Variants in WDR43 observed in about 807,000 individuals in gnomAD.
WDR43 encodes WD repeat domain 43.
A neutral mutation model predicts 91.4 loss-of-function variants in WDR43; 13 were observed. That is an observed-to-expected ratio of 0.14 (90% CI 0.09 to 0.23). The LOEUF (loss-of-function observed/expected upper bound fraction) is 0.23. Ranked by LOEUF, WDR43 falls within the 10% of genes least tolerant of loss-of-function variation. The probability of loss-of-function intolerance (pLI) is 1.00; values close to 1 mark genes in which losing one functional copy is unlikely to be tolerated. For missense variants in WDR43, 780 were observed against 809.4 expected (o/e 0.96, Z 0.44); for synonymous variants, 331 against 287.9 (o/e 1.15, Z -1.51).
chr2:28,923,116 C>A, intron 7 of WDR43, 133 bp downstream of exon 7: 1 of 746,326 alleles, frequency 1.3e-6, no homozygotes, highest in Non-Finnish European at 2.1e-6. Flanking sequence ...TTTCTTTATC[C>A]ACATGACTAT....
At chr2:28,928,509 C>T (rs1277142599) in intron 10 of WDR43, among the ~76,000 whole-genome samples, 3 of 152,136 alleles carry the variant, frequency 2.0e-5, no homozygotes, top group Non-Finnish European at 2.9e-5. Flanking sequence ...TTTTTAATTT[C>T]CCCATGTCCT....
At position 28,927,662 on chromosome 2, in the gene WDR43, G is replaced by A. The variant is rs751000393; in HGVS notation, c.1267G>A (p.Glu423Lys). ...AAIKPAPPQT[E>K]QVESKRKSGG... is the part of the protein sequence containing the mutation. ...TATCAAGCCCGCTCCTCCACAAACC[G>A]AGCAAGTAGAGAGCAAGAGGAAGTC... The change falls in exon 10 of 18, where the codon GAG becomes AAG. Residue 423 changes from glutamate to lysine, a missense_variant. By Grantham distance (56) the Glu-to-Lys change is moderately conservative. Around this residue, in one of 4 missense-constraint regions of WDR43, gnomAD observed 426 missense variants for 467.8 expected, o/e 0.91. Transcript: ENST00000407426. The A allele has an allele frequency of 2.8e-5, 45 of 1,613,790 alleles. No homozygotes were observed. Among genetic ancestry groups the A allele is most frequent in the Admixed American group, 5.0e-5 (3 of 59,988 alleles).
intron 6 of WDR43, among the ~76,000 whole-genome samples, chr2:28,922,708 T>C (rs1333292893): frequency 6.6e-6 from 1 of 152,180 alleles, no homozygotes; most frequent in Non-Finnish European, 1.5e-5. Flanking sequence ...GTTCTCTTCT[T>C]GGCTTAAACA....
chr2:28,944,765 A>G (rs1011684292), intron 16 of WDR43, among the ~76,000 whole-genome samples: 1 of 152,248 alleles, frequency 6.6e-6, no homozygotes, highest in Non-Finnish European at 1.5e-5. Context: ...CGATACTGCA[A>G]CATTCGATTT....
intron 3 of WDR43, among the ~76,000 whole-genome samples, chr2:28,908,213 G>C (rs988929675): frequency 1.3e-5 from 2 of 152,156 alleles, no homozygotes; most frequent in African/African-American, 4.8e-5. Flanking sequence ...AGAAATTATG[G>C]TCAGAAGAGA....
At position 28,929,722 on chromosome 2, in the gene WDR43, G is replaced by A. The variant is rs200327769; in HGVS notation, c.1437+12G>A. On this transcript the variant is annotated intron_variant, in intron 11 of 17. Transcript: ENST00000407426. ...TTGAAATGCTAAATGTAAGTATATA[G>A]CAATTTTTAACTAAATTAACATGGT... The A allele has an allele frequency of 5.3e-3, 8,508 of 1,607,170 alleles. 27 individuals are homozygous for A. Among genetic ancestry groups the A allele is most frequent in the Non-Finnish European group, 6.8e-3 (8,006 of 1,175,962 alleles).
intron 2 of WDR43, among the ~76,000 whole-genome samples, chr2:28,903,694 A>G (rs1167153504): frequency 1.3e-5 from 2 of 152,152 alleles, no homozygotes; most frequent in Admixed American, 6.5e-5. Flanking sequence ...TCTTACACCT[A>G]CTATAGGTAG....
chr2:28,946,687 G>T lies in WDR43; in HGVS notation c.1942G>T (p.Glu648Ter). The T allele has an allele frequency of 6.4e-7, 1 of 1,572,802 alleles. No homozygotes were observed. Among genetic ancestry groups the T allele is most frequent in the East Asian group, 2.3e-5 (1 of 42,854 alleles). ...EEDEDAEGKD[E>*]ENGEDRDTAS... Reference sequence around the variant, plus strand: ...AGATGAGGATGCCGAAGGAAAAGATGAAGAAAATGGCGAGGACAGAGATAC... The same window carrying T: ...AGATGAGGATGCCGAAGGAAAAGATTAAGAAAATGGCGAGGACAGAGATAC... The change falls in exon 18 of 18, where the codon GAA becomes TAA. Residue 648 changes from glutamate (E) to a stop codon, truncating the protein, a stop_gained. Transcript: ENST00000407426. LOFTEE classifies it high-confidence loss of function.
intron 1 of WDR43, among the ~76,000 whole-genome samples, chr2:28,898,556 T>C (rs777303975): frequency 6.6e-6 from 1 of 152,170 alleles, no homozygotes; most frequent in African/African-American, 2.4e-5. Flanking sequence ...GTGAGATAGA[T>C]GAAGAAATGG....
Position 28,925,097 on chromosome 2 carries a change from A to G in WDR43, c.1030A>G (p.Lys344Glu). Residue 344 changes from lysine (K) to glutamate (E), a missense_variant, in exon 8 of 18, where the codon AAA becomes GAA. By Grantham distance (56) the Lys-to-Glu change is moderately conservative. Coordinates refer to ENST00000407426, the MANE Select transcript of WDR43 (RefSeq NM_015131.3). ...PILAAGFCSD[K>E]MSLLLVYGSW... Reference sequence around the variant, plus strand: ...TCTAGCTGCTGGTTTTTGCTCAGACAAAATGTCATTGTTGCTTGTATATGG... The same window carrying G: ...TCTAGCTGCTGGTTTTTGCTCAGACGAAATGTCATTGTTGCTTGTATATGG... 2 of 1,613,976 alleles carry G rather than the reference A, an allele frequency of 1.2e-6. No homozygotes were observed. Among genetic ancestry groups the G allele is most frequent in the East Asian group, 2.2e-5 (1 of 44,890 alleles).
intron 2 of WDR43, among the ~76,000 whole-genome samples, chr2:28,904,500 T>C (rs1670640523): frequency 6.6e-6 from 1 of 152,250 alleles, no homozygotes; most frequent in Non-Finnish European, 1.5e-5. Context: ...ACACTGCTGC[T>C]GGCAATAGTA....
intron 12 of WDR43, 63 bp downstream of exon 12, chr2:28,935,670 G>A (rs1471745755): frequency 2.7e-6 from 3 of 1,129,222 alleles, no homozygotes; most frequent in Non-Finnish European, 3.7e-6. Flanking sequence ...AAATTCAGTA[G>A]TTAGAGAAAT....
intron 12 of WDR43, 51 bp from the exon 13 acceptor site, chr2:28,936,871 C>T: frequency 1.3e-6 from 2 of 1,484,564 alleles, no homozygotes; most frequent in Non-Finnish European, 1.8e-6. Flanking sequence ...GAATTGACAG[C>T]ATTGGTTGCC....
At chr2:28,907,152 C>T (rs750020656) in intron 3 of WDR43, among the ~76,000 whole-genome samples, 2 of 152,066 alleles carry the variant, frequency 1.3e-5, no homozygotes, top group Non-Finnish European at 2.9e-5. Flanking sequence ...TGAGGTTGGC[C>T]GTATAGGAGA....
At chr2:28,922,671 A>G (rs1471407222) in intron 6 of WDR43, among the ~76,000 whole-genome samples, 1 of 152,112 alleles carries the variant, frequency 6.6e-6, no homozygotes, top group Non-Finnish European at 1.5e-5. Flanking sequence ...TTGTTCATCT[A>G]ACTTGGAGGG....
chr2:28,908,204 GA>G (rs1344322367), intron 3 of WDR43, among the ~76,000 whole-genome samples: 1 of 152,190 alleles, frequency 6.6e-6, no homozygotes, highest in Admixed American at 6.5e-5. Context: ...GTAGAGGATA[GA>G]AATTATGGTC....
intron 1 of WDR43, among the ~76,000 whole-genome samples, chr2:28,900,272 C>T (rs1572578220): frequency 6.6e-6 from 1 of 152,170 alleles, no homozygotes; most frequent in Non-Finnish European, 1.5e-5. Context: ...ACTGCAACCT[C>T]TGCCTCCCGG....
At chr2:28,933,833 TA>T (rs1195134524) in intron 11 of WDR43, among the ~76,000 whole-genome samples, 2 of 152,174 alleles carry the variant, frequency 1.3e-5, no homozygotes, top group Non-Finnish European at 2.9e-5. Context: ...AGACAGACAA[TA>T]ATACCATCTG....
rs149712987 is a variant in WDR43, at chr2:28,906,094, C to T, written c.364-366C>T. Among the ~76,000 whole-genome samples the T allele has an allele frequency of 8.8e-3, 1,342 of 152,160 alleles. 7 individuals carry two copies. The highest frequency in any genetic ancestry group is 0.014 in the Non-Finnish European group (924 of 68,012). On this transcript the variant is annotated intron_variant, in intron 2 of 17. Coordinates refer to ENST00000407426, the MANE Select transcript of WDR43 (RefSeq NM_015131.3). Reference sequence around the variant, plus strand: ...GTTCATATTATCATAATATGTAAGACAAGTTTTATTTTCTTCTTAAATTTT... The same window carrying T: ...GTTCATATTATCATAATATGTAAGATAAGTTTTATTTTCTTCTTAAATTTT...
Sources: allele counts gnomAD v4.1 joint callset (sites outside exome capture counted in the v4.1 genomes callset), GRCh38; gene constraint gnomAD v4.1.1; regional missense constraint gnomAD v4.1.1; transcripts MANE v1.5; gene names NCBI Gene and HGNC (gene_info 2026-07-23, HGNC 2026-07-21).